MINDY2: variants seen among roughly 807,000 people sequenced by gnomAD.
MINDY2 encodes ubiquitin carboxyl-terminal hydrolase MINDY-2.
A neutral mutation model predicts 68.2 loss-of-function variants in MINDY2; 52 were observed. That is an observed-to-expected ratio of 0.76 (90% CI 0.61 to 0.96). The LOEUF (loss-of-function observed/expected upper bound fraction) is 0.96, where lower values mean the gene tolerates loss of function less well. Among genes scored for constraint, MINDY2 ranks in the 40% least tolerant of loss-of-function variants. MINDY2 has a pLI of 0.00. For missense variants in MINDY2, 881 were observed against 773.4 expected (o/e 1.14, Z -1.65); for synonymous variants, 372 against 303.0 (o/e 1.23, Z -2.36).
At chr15:58,837,410 A>G (rs2032044895) in intron 6 of MINDY2, among the ~76,000 whole-genome samples, 1 of 151,968 alleles carries the variant, frequency 6.6e-6, no homozygotes, top group African/African-American at 2.4e-5. Context: ...CCATCTCAAC[A>G]AATAATTTTG....
chr15:58,780,297 G>A (rs889004891), intron 1 of MINDY2, among the ~76,000 whole-genome samples: 1 of 151,984 alleles, frequency 6.6e-6, no homozygotes. Flanking sequence ...CCAGCTACTC[G>A]GGAGGCTGAG....
At chr15:58,817,182 A>G (rs1280702124) in intron 4 of MINDY2, among the ~76,000 whole-genome samples, 1 of 152,248 alleles carries the variant, frequency 6.6e-6, no homozygotes, top group Non-Finnish European at 1.5e-5. Flanking sequence ...AAAGCAAGCC[A>G]CAGAGTAGAA....
chr15:58,771,913 T>A lies in MINDY2; in HGVS notation c.518T>A (p.Leu173Gln). ...AGCCCTCCTGGGGAATCTCCGAGCC[T>A]GGACTCTCTGGAGTCGTTCTCTAAC... ...DPSPPGESPS[L>Q]DSLESFSNLH... The change falls in exon 1 of 9, where the codon CTG becomes CAG. Residue 173 changes from leucine to glutamine, a missense_variant. Coordinates refer to ENST00000559228, the MANE Select transcript of MINDY2 (RefSeq NM_001040450.3). The A allele has an allele frequency of 6.4e-7, 1 of 1,556,806 alleles. No homozygotes were observed. Among genetic ancestry groups the A allele is most frequent in the Non-Finnish European group, 8.7e-7 (1 of 1,153,262 alleles).
At chr15:58,818,368 G>A (rs1250708140) in intron 4 of MINDY2, among the ~76,000 whole-genome samples, 5 of 152,080 alleles carry the variant, frequency 3.3e-5, no homozygotes, top group Admixed American at 3.3e-4. Context: ...AAGCAATCCT[G>A]TCTCAGCTTC....
chr15:58,849,130 A>C (rs1186475021), intron 7 of MINDY2, among the ~76,000 whole-genome samples: 1 of 151,970 alleles, frequency 6.6e-6, no homozygotes, highest in African/African-American at 2.4e-5. Flanking sequence ...GAATCACTTG[A>C]ACCCAGGGGG....
intron 6 of MINDY2, among the ~76,000 whole-genome samples, chr15:58,843,724 C>T (rs2032388840): frequency 6.6e-6 from 1 of 150,612 alleles, no homozygotes; most frequent in Non-Finnish European, 1.5e-5. Flanking sequence ...GTCCCAGCTA[C>T]TCAGGAGGCT....
intron 5 of MINDY2, among the ~76,000 whole-genome samples, chr15:58,823,637 C>T (rs2031210740): frequency 6.6e-6 from 1 of 151,790 alleles, no homozygotes; most frequent in Non-Finnish European, 1.5e-5. Context: ...TACACTCCAG[C>T]CTGGGCAACA....
chr15:58,840,931 G>A (rs1380507375), intron 6 of MINDY2, among the ~76,000 whole-genome samples: 1 of 147,558 alleles, frequency 6.8e-6, no homozygotes, highest in Admixed American at 6.9e-5. Context: ...GCCTCCCAAA[G>A]TGCTGGAATT....
At chr15:58,772,944 A>T (rs529695045) in intron 1 of MINDY2, among the ~76,000 whole-genome samples, 2 of 152,352 alleles carry the variant, frequency 1.3e-5, no homozygotes, top group South Asian at 2.1e-4. Context: ...AAGAAAAGGT[A>T]TGTCTAAGGT....
intron 6 of MINDY2, among the ~76,000 whole-genome samples, chr15:58,838,010 G>A (rs1055355567): frequency 2.1e-5 from 3 of 144,324 alleles, no homozygotes; most frequent in South Asian, 2.2e-4. Flanking sequence ...ATATTTAATC[G>A]TCACAGTGTT....
chr15:58,804,757 A>T (rs146342147), intron 3 of MINDY2, among the ~76,000 whole-genome samples: 1 of 152,136 alleles, frequency 6.6e-6, no homozygotes, highest in African/African-American at 2.4e-5. Flanking sequence ...CTGTGAGCCA[A>T]ATCACACCAC....
Position 58,791,378 on chromosome 15 carries a change from T to C in MINDY2, c.898+3415T>C, listed in dbSNP as rs1901901435. Among the ~76,000 whole-genome samples, 3 of 151,222 alleles carry C rather than the reference T, an allele frequency of 2.0e-5. No homozygotes were observed. The South Asian group carries it at 6.3e-4, about 32-fold the overall frequency. ...CTAGCCACATGCGGTCCTCAAGCTC[T>C]TAAAATGTAGCTCCTGTCTTGAGCC... On this transcript the variant is annotated intron_variant, in intron 2 of 8. Transcript: ENST00000559228.
chr15:58,772,083 C>G lies in MINDY2; in HGVS notation c.688C>G (p.Leu230Val). 6.2e-7 allele frequency: 1 copy of G among 1,613,232 alleles called. No homozygotes were observed. Among genetic ancestry groups the G allele is most frequent in the Non-Finnish European group, 8.5e-7 (1 of 1,179,478 alleles). The change falls in exon 1 of 9, where the codon CTG (leucine) becomes GTG (valine). Residue 230 changes from leucine to valine, a missense_variant. By Grantham distance (32) the Leu-to-Val change is conservative. Coordinates refer to ENST00000559228, the MANE Select transcript of MINDY2 (RefSeq NM_001040450.3). ...GGAGGGGGAGGAGACCGCTCAGGTG[C>G]TGGCGGCCTCCAAGGAACGCTTCCC... is the stretch of plus-strand genomic sequence containing the variant. Reference protein sequence around the residue: ...EEEGEETAQVLAASKERFPGQ... With the variant: ...EEEGEETAQVVAASKERFPGQ...
At chr15:58,773,475 C>T (rs1900573838) in intron 1 of MINDY2, among the ~76,000 whole-genome samples, 1 of 152,202 alleles carries the variant, frequency 6.6e-6, no homozygotes, top group African/African-American at 2.4e-5. Flanking sequence ...GAAGACAGTA[C>T]CTGCCCTTAA....
intron 3 of MINDY2, among the ~76,000 whole-genome samples, chr15:58,807,265 G>A (rs1903080339): frequency 6.6e-6 from 1 of 151,042 alleles, no homozygotes; most frequent in South Asian, 2.1e-4. Context: ...TTTATGTATT[G>A]GTTTTTCTTT....
At chr15:58,839,582 T>G (rs1302136833) in intron 6 of MINDY2, among the ~76,000 whole-genome samples, 2 of 152,158 alleles carry the variant, frequency 1.3e-5, no homozygotes, top group African/African-American at 2.4e-5. Context: ...TCCACCCACC[T>G]TGGCCTCCCA....
chr15:58,776,149 TTACTACATAGAGTAAATATGGTAG>T (rs1207159827), intron 1 of MINDY2, among the ~76,000 whole-genome samples: 2 of 152,146 alleles, frequency 1.3e-5, no homozygotes, highest in African/African-American at 4.8e-5. Flanking sequence ...AATTGGGAAA[TTACTACATAGAGTAAATATGGTAG>T]TACTACATAG....
chr15:58,847,305 G>GTTGGT lies in MINDY2; in HGVS notation c.1378_1379insTGGTT (p.Tyr460LeufsTer6). ...TGTTACTTCTTATTAAGGGTCAACT[G>GTTGGT]TATTTGTTGGTAACGGACCAGGGGT... On this transcript the variant is annotated frameshift_variant, in exon 7 of 9. Transcript: ENST00000559228. LOFTEE classifies it high-confidence loss of function. 6.4e-7 allele frequency: 1 copy of GTTGGT among 1,574,118 alleles called. No homozygotes were observed. Among genetic ancestry groups the GTTGGT allele is most frequent in the East Asian group, 2.3e-5 (1 of 43,938 alleles).
At chr15:58,841,660 C>T (rs2032294801) in intron 6 of MINDY2, among the ~76,000 whole-genome samples, 1 of 152,188 alleles carries the variant, frequency 6.6e-6, no homozygotes, top group African/African-American at 2.4e-5. Context: ...CTGCCTCGGC[C>T]TCCCAGAGTG....
Sources: gnomAD v4.1 joint callset for allele counts (sites outside exome capture counted in the v4.1 genomes callset) on GRCh38, gnomAD v4.1.1 for gene constraint, MANE v1.5 for transcripts, NCBI Gene and HGNC (gene_info 2026-07-23, HGNC 2026-07-21) for gene names.